Variants in SKIC3 observed in about 807,000 individuals in gnomAD.
The protein encoded by SKIC3 is superkiller complex protein 3.
the SKIC3 span, chr5:95,522,383 T>C: frequency 2.6e-6 from 4 of 1,517,738 alleles, no homozygotes; most frequent in Admixed American, 3.9e-5. Flanking sequence ...ATAAAATAAA[T>C]AATTCAAGTA....
the SKIC3 span, among the ~76,000 whole-genome samples, chr5:95,528,674 G>C: frequency 0.27 from 40,827 of 151,834 alleles, 7,758 homozygotes; most frequent in African/African-American, 0.54. Flanking sequence ...CTCTCTATAT[G>C]AGAGAAATTA....
chr5:95,522,955 T>C, the SKIC3 span, among the ~76,000 whole-genome samples: 250 of 152,268 alleles, frequency 1.6e-3, 2 homozygotes, highest in African/African-American at 5.8e-3. Flanking sequence ...AAAATTTCTA[T>C]TGAGAACTAC....
At chr5:95,528,849 ACTTTTATTT>A in the SKIC3 span, 6 of 695,856 alleles carry the variant, frequency 8.6e-6, no homozygotes, top group Non-Finnish European at 1.5e-5. Context: ...ATGCATGCAG[ACTTTTATTT>A]AAACTTATTG....
chr5:95,541,134 T>C, the SKIC3 span, among the ~76,000 whole-genome samples: 1 of 152,070 alleles, frequency 6.6e-6, no homozygotes, highest in East Asian at 1.9e-4. Context: ...GCCCAGCTAA[T>C]TTTGTATTTT....
At chr5:95,514,813 A>C in the SKIC3 span, 2 of 1,592,308 alleles carry the variant, frequency 1.3e-6, no homozygotes, top group African/African-American at 2.7e-5. Context: ...TCAGTTATTG[A>C]TATCAACAAG....
chr5:95,543,393 G>C, the SKIC3 span: 1 of 1,553,778 alleles, frequency 6.4e-7, no homozygotes, highest in Non-Finnish European at 8.9e-7. Flanking sequence ...AACAATAACA[G>C]AAAGTCTAGC....
the SKIC3 span, among the ~76,000 whole-genome samples, chr5:95,518,977 G>T: frequency 6.6e-6 from 1 of 150,952 alleles, no homozygotes; most frequent in Non-Finnish European, 1.5e-5. Context: ...TTTATTTTTT[G>T]TCTTTTGAAT....
chr5:95,469,777 T>C, the SKIC3 span: 3 of 1,614,068 alleles, frequency 1.9e-6, no homozygotes, highest in Middle Eastern at 1.6e-4. Flanking sequence ...AGATTCTTCA[T>C]ACCTTGCCCC....
chr5:95,482,618 T>C, the SKIC3 span: 1 of 1,613,898 alleles, frequency 6.2e-7, no homozygotes, highest in Non-Finnish European at 8.5e-7. Flanking sequence ...CTGATCAGGG[T>C]TACTTTTTAA....
chr5:95,552,000 C>T, the SKIC3 span, among the ~76,000 whole-genome samples: 1 of 152,192 alleles, frequency 6.6e-6, no homozygotes, highest in Non-Finnish European at 1.5e-5. Flanking sequence ...AATCCCCAAC[C>T]GTCCTGCAAC....
chr5:95,484,792 G>A, the SKIC3 span: 3 of 1,614,134 alleles, frequency 1.9e-6, no homozygotes, highest in Admixed American at 1.7e-5. Flanking sequence ...GCTTGTGAGA[G>A]AGACCACTTT....
At chr5:95,547,419 C>T in the SKIC3 span, among the ~76,000 whole-genome samples, 2 of 152,072 alleles carry the variant, frequency 1.3e-5, no homozygotes, top group South Asian at 2.1e-4. Flanking sequence ...CCATTATTTC[C>T]GGAACCCCTT....
At chr5:95,513,644 GC>G in the SKIC3 span, 1 of 1,613,528 alleles carries the variant, frequency 6.2e-7, no homozygotes, top group South Asian at 1.1e-5. Flanking sequence ...AGCAATAAGA[GC>G]CTATAAAAGG....
At chr5:95,554,216 C>CAAAAA in the SKIC3 span, among the ~76,000 whole-genome samples, 44 of 149,532 alleles carry the variant, frequency 2.9e-4, no homozygotes, top group African/African-American at 1.1e-3. Context: ...TTATCTTAGG[C>CAAAAA]AAAAAAAAAC....
At chr5:95,489,283 AAAC>A in the SKIC3 span, among the ~76,000 whole-genome samples, 20 of 152,262 alleles carry the variant, frequency 1.3e-4, no homozygotes, top group African/African-American at 4.8e-4. Context: ...TTAAAAAAAA[AAAC>A]AACTAAAATA....
the SKIC3 span, among the ~76,000 whole-genome samples, chr5:95,469,456 A>C: frequency 1.3e-5 from 2 of 152,214 alleles, no homozygotes; most frequent in African/African-American, 4.8e-5. Context: ...TCTAGAACCC[A>C]CATCACACTG....
At chr5:95,494,712 T>C in the SKIC3 span, 2 of 1,613,738 alleles carry the variant, frequency 1.2e-6, no homozygotes, top group Non-Finnish European at 1.7e-6. Flanking sequence ...TTCTGAATGG[T>C]CTTTAGTGCA....
chr5:95,541,105 T>G, the SKIC3 span, among the ~76,000 whole-genome samples: 2 of 152,142 alleles, frequency 1.3e-5, no homozygotes, highest in African/African-American at 2.4e-5. Flanking sequence ...TAGCTGGTAT[T>G]ACAGGCATGC....
At chr5:95,508,211 C>T in the SKIC3 span, among the ~76,000 whole-genome samples, 1 of 152,100 alleles carries the variant, frequency 6.6e-6, no homozygotes, top group Non-Finnish European at 1.5e-5. Flanking sequence ...GCATTCAGGA[C>T]ACCTCAATTA....
Sources: allele counts gnomAD v4.1 joint callset (sites outside exome capture counted in the v4.1 genomes callset), GRCh38; gene constraint gnomAD v4.1.1; transcripts MANE v1.5; gene names NCBI Gene and HGNC (gene_info 2026-07-23, HGNC 2026-07-21).